The following TRPM3 variants were observed in gnomAD, a reference collection of about 807,000 sequenced individuals.
The protein encoded by TRPM3 is transient receptor potential cation channel subfamily M member 3.
TRPM3 carries 77 observed loss-of-function variants against 181.2 expected under a neutral mutation model. The ratio of observed to expected loss-of-function variants is 0.42; its 90% CI spans 0.35 to 0.51. The LOEUF (loss-of-function observed/expected upper bound fraction) is 0.51. TRPM3 is among the 20% of genes least tolerant of loss of function. The pLI, the probability that TRPM3 is intolerant of heterozygous loss-of-function variation, is 0.01. For missense variants in TRPM3, 1,759 were observed against 2,196.7 expected (o/e 0.80, Z 3.98); for synonymous variants, 745 against 796.4 (o/e 0.94, Z 1.09).
At chr9:71,180,935 T>G (rs2077367109) in intron 1 of TRPM3, among the ~76,000 whole-genome samples, 2 of 152,098 alleles carry the variant, frequency 1.3e-5, no homozygotes, top group African/African-American at 4.8e-5. Flanking sequence ...GTTTGGCCTT[T>G]TAGTCGTAGG....
At chr9:71,366,251 G>T (rs7874521) in intron 1 of TRPM3, among the ~76,000 whole-genome samples, 11 of 152,274 alleles carry the variant, frequency 7.2e-5, no homozygotes, top group African/African-American at 2.6e-4. Flanking sequence ...GTACGCACAA[G>T]TACATGGGCA....
Position 70,531,538 on chromosome 9 carries a change from A to G in TRPM3, c.*4415T>C, listed in dbSNP as rs1327850778. On this transcript the variant is annotated 3_prime_UTR_variant, in exon 26 of 26. Transcript: ENST00000677713. Reference sequence around the variant, plus strand: ...AGAGAGATTACTTCATTTCAGTCACATTGTTATTGTTCAAGGATAGTGAGT... The same window carrying G: ...AGAGAGATTACTTCATTTCAGTCACGTTGTTATTGTTCAAGGATAGTGAGT... The G allele has an allele frequency of 3.9e-5, 6 of 152,218 alleles. No individual in the cohort carries two copies. Among genetic ancestry groups the G allele is most frequent in the Admixed American group, 3.9e-4 (6 of 15,288 alleles). The allele number at this position is 152,218 out of a possible 1,614,324, so 9.4% of individuals were successfully genotyped here.
intron 1 of TRPM3, among the ~76,000 whole-genome samples, chr9:70,969,631 T>C (rs578011216): frequency 6.6e-6 from 1 of 151,284 alleles, no homozygotes; most frequent in Non-Finnish European, 1.5e-5. Flanking sequence ...AGATAGAATA[T>C]TGTGTTGAAA....
intron 17 of TRPM3, 74 bp downstream of exon 17, chr9:70,618,793 C>T: frequency 7.7e-7 from 1 of 1,302,374 alleles, no homozygotes; most frequent in Non-Finnish European, 1.1e-6. Context: ...AATTCCATGG[C>T]AGATTTTGGC....
chr9:70,623,396 A>G (rs2063951018), intron 14 of TRPM3, among the ~76,000 whole-genome samples: 1 of 151,576 alleles, frequency 6.6e-6, no homozygotes, highest in African/African-American at 2.4e-5. Context: ...CATGCCCACT[A>G]CCAGCTAGAG....
chr9:70,752,855 C>T (rs749971745), intron 8 of TRPM3, among the ~76,000 whole-genome samples: 4 of 152,086 alleles, frequency 2.6e-5, no homozygotes, highest in Non-Finnish European at 4.4e-5. Context: ...CATGCCTGTA[C>T]TCTCAGCACT....
chr9:71,119,736 C>T (rs1403107840), intron 1 of TRPM3, among the ~76,000 whole-genome samples: 2 of 152,184 alleles, frequency 1.3e-5, no homozygotes, highest in African/African-American at 2.4e-5. Context: ...TTGCCCCTGA[C>T]TCTTGATTCA....
Position 70,846,553 on chromosome 9 carries a change from G to A in TRPM3, c.501C>T (p.Leu167=), listed in dbSNP as rs2094960436. The change falls in exon 4 of 26, where the codon CTC becomes CTT. Residue 167 remains leucine (L), a synonymous_variant. Transcript: ENST00000677713. Reference sequence around the variant, plus strand: ...GCCATTCCTTGGTCATCAGGTGTAAGAGGAGATCAGGTTTTGTATCAAAAG... The same window carrying A: ...GCCATTCCTTGGTCATCAGGTGTAAAAGGAGATCAGGTTTTGTATCAAAAG... ...RVSFDTKPDL[L]LHLMTKEWQL... 6.2e-7 allele frequency: 1 copy of A among 1,614,170 alleles called. No homozygotes were observed. Among genetic ancestry groups the A allele is most frequent in the Non-Finnish European group, 8.5e-7 (1 of 1,180,000 alleles).
chr9:70,620,053 C>A, intron 16 of TRPM3, 23 bp downstream of exon 16: 1 of 1,587,010 alleles, frequency 6.3e-7, no homozygotes, highest in Non-Finnish European at 8.6e-7. Context: ...CCCTGACCAG[C>A]CCATTTTGCT....
Position 70,804,070 on chromosome 9 carries a change from C to G in TRPM3, c.974-19791G>C, listed in dbSNP as rs530205623. Among the ~76,000 whole-genome samples, 10 of 152,150 alleles carry G rather than the reference C, an allele frequency of 6.6e-5. No individual in the cohort carries two copies. The East Asian group carries it at 2.0e-3, about 30-fold the overall frequency. ...TTCTGGCCAGGCATGGTGGCTCATG[C>G]CTGTAATCTCAGCACTTTGGGAGGC... On this transcript the variant is annotated intron_variant, in intron 6 of 25. Coordinates refer to ENST00000677713, the MANE Select transcript of TRPM3 (RefSeq NM_001366145.2).
chr9:71,002,539 C>A (rs897651918), intron 1 of TRPM3, among the ~76,000 whole-genome samples: 52 of 152,210 alleles, frequency 3.4e-4, no homozygotes, highest in African/African-American at 1.2e-3. Context: ...TCATTTTTAT[C>A]CTTTGACTCT....
chr9:70,997,593 T>C (rs1419988184), intron 1 of TRPM3, among the ~76,000 whole-genome samples: 3 of 152,166 alleles, frequency 2.0e-5, no homozygotes, highest in African/African-American at 7.2e-5. Context: ...GTTTTCATTC[T>C]AGCAAATCAG....
chr9:71,416,959 A>G lies in TRPM3; in HGVS notation c.183+29694T>C, dbSNP rs543852846. Among the ~76,000 whole-genome samples, 250 of 152,108 alleles carry G rather than the reference A, an allele frequency of 1.6e-3. 1 individual carries two copies. The highest frequency in any genetic ancestry group is 5.7e-3 in the African/African-American group (238 of 41,538). ...TATTCTGTGTCTGGTTTCTTTACTC[A>G]GCATATTTTTAAGATTTAACCATGT... On this transcript the variant is annotated intron_variant, in intron 1 of 24. Transcript: ENST00000357533.
At chr9:71,102,224 C>T (rs918225) in intron 1 of TRPM3, among the ~76,000 whole-genome samples, 50,386 of 151,962 alleles carry the variant, frequency 0.33, 10,857 homozygotes, top group African/African-American at 0.62. Context: ...TGAAACCACC[C>T]GTCCTGGAAT....
chr9:71,354,586 T>C (rs973138299), intron 1 of TRPM3, among the ~76,000 whole-genome samples: 44 of 152,262 alleles, frequency 2.9e-4, no homozygotes, highest in African/African-American at 1.1e-3. Flanking sequence ...TTGTCAGCTT[T>C]TCAATTAATC....
At chr9:70,986,808 C>T (rs550973695) in intron 1 of TRPM3, among the ~76,000 whole-genome samples, 8 of 152,196 alleles carry the variant, frequency 5.3e-5, no homozygotes, top group African/African-American at 1.9e-4. Flanking sequence ...ATTAACACCT[C>T]AGAGGAGGAC....
chr9:71,138,188 G>A (rs1384201835), intron 1 of TRPM3, among the ~76,000 whole-genome samples: 1 of 152,072 alleles, frequency 6.6e-6, no homozygotes, highest in Non-Finnish European at 1.5e-5. Context: ...AGAAAACATG[G>A]AAATGAAACA....
chr9:71,038,596 C>G (rs868637800), intron 1 of TRPM3, among the ~76,000 whole-genome samples: 15 of 152,152 alleles, frequency 9.9e-5, no homozygotes, highest in South Asian at 2.1e-4. Context: ...TCATTTTCCT[C>G]TTTTGCTTTC....
At chr9:71,056,328 T>G (rs764125018) in intron 1 of TRPM3, among the ~76,000 whole-genome samples, 3 of 152,064 alleles carry the variant, frequency 2.0e-5, no homozygotes, top group Non-Finnish European at 4.4e-5. Context: ...CTGGTTTTAT[T>G]AACTTTAAAA....
Sources: gnomAD v4.1 joint callset for allele counts (sites outside exome capture counted in the v4.1 genomes callset) on GRCh38, gnomAD v4.1.1 for gene constraint, MANE v1.5 for transcripts, NCBI Gene and HGNC (gene_info 2026-07-23, HGNC 2026-07-21) for gene names.